Variants in HIBADH observed in about 807,000 individuals in gnomAD.
HIBADH encodes 3-hydroxyisobutyrate dehydrogenase.
In HIBADH, 25 loss-of-function variants were observed where a neutral mutation model predicts 36.1. That is an observed-to-expected ratio of 0.69 (90% confidence interval 0.50 to 0.97). The LOEUF is 0.97. Ranked by LOEUF, HIBADH falls within the 50% of genes least tolerant of loss-of-function variation. The pLI is 0.00. For missense variants in HIBADH, 421 were observed against 418.0 expected, an observed-to-expected ratio of 1.01 and a Z score of -0.06; for synonymous variants, 160 against 149.5, an observed-to-expected ratio of 1.07 and a Z score of -0.51.
chr7:27,556,561 A>C (rs59895438), intron 4 of HIBADH, among the ~76,000 whole-genome samples: 3,001 of 152,302 alleles, frequency 0.02, 95 homozygotes, highest in African/African-American at 0.064. Context: ...TTTTTAAAAC[A>C]ATCAGTTATT....
intron 4 of HIBADH, among the ~76,000 whole-genome samples, chr7:27,575,524 T>C (rs1334552708): frequency 6.6e-6 from 1 of 152,104 alleles, no homozygotes; most frequent in Admixed American, 6.5e-5. Flanking sequence ...CCAGAGAAAG[T>C]TTCTGAACAA....
chr7:27,628,332 AT>A (rs1282198086), intron 4 of HIBADH, among the ~76,000 whole-genome samples: 5 of 152,138 alleles, frequency 3.3e-5, no homozygotes, highest in African/African-American at 1.2e-4. Flanking sequence ...ATACGAAATG[AT>A]TTAAATTATT....
At chr7:27,539,047 G>T (rs767321967) in intron 5 of HIBADH, among the ~76,000 whole-genome samples, 2 of 152,132 alleles carry the variant, frequency 1.3e-5, no homozygotes, top group Non-Finnish European at 2.9e-5. Context: ...AAATTTGATC[G>T]TTAAGACTGG....
intron 2 of HIBADH, among the ~76,000 whole-genome samples, chr7:27,643,184 G>A (rs1008679576): frequency 2.0e-5 from 3 of 152,188 alleles, no homozygotes; most frequent in Non-Finnish European, 4.4e-5. Flanking sequence ...AAGTTCTCGA[G>A]AAACATCTGT....
chr7:27,564,607 T>G (rs1199846039), intron 4 of HIBADH, among the ~76,000 whole-genome samples: 1 of 152,242 alleles, frequency 6.6e-6, no homozygotes, highest in Non-Finnish European at 1.5e-5. Flanking sequence ...CCAACTTTAT[T>G]AATCACATTC....
At chr7:27,563,024 A>C (rs1336897704) in intron 4 of HIBADH, among the ~76,000 whole-genome samples, 1 of 152,150 alleles carries the variant, frequency 6.6e-6, no homozygotes, top group Non-Finnish European at 1.5e-5. Context: ...ATACGAAATA[A>C]TTCTCTCACC....
At chr7:27,580,724 C>A (rs1388818472) in intron 4 of HIBADH, among the ~76,000 whole-genome samples, 1 of 152,188 alleles carries the variant, frequency 6.6e-6, no homozygotes, top group Non-Finnish European at 1.5e-5. Flanking sequence ...GAGAATACAG[C>A]AATGAGCAAG....
chr7:27,574,259 A>C lies in HIBADH; in HGVS notation c.485-31159T>G, dbSNP rs372466136. 1.1e-4 allele frequency among the ~76,000 whole-genome samples: 17 copies of C among 151,840 alleles called. No individual in the cohort carries two copies. In the East Asian group the frequency reaches 2.1e-3, roughly 19 times the overall value. Reference sequence around the variant, plus strand: ...GGTGAATCCCCAGAGAAAATTTCAGATCCCACAGCTTAGAAAAGGGGAGGA... The same window carrying C: ...GGTGAATCCCCAGAGAAAATTTCAGCTCCCACAGCTTAGAAAAGGGGAGGA... On this transcript the variant is annotated intron_variant, in intron 4 of 7. Coordinates refer to ENST00000265395, the MANE Select transcript of HIBADH (RefSeq NM_152740.4).
At chr7:27,637,839 T>C (rs1028265465) in intron 2 of HIBADH, among the ~76,000 whole-genome samples, 4 of 151,878 alleles carry the variant, frequency 2.6e-5, no homozygotes, top group Admixed American at 6.6e-5. Flanking sequence ...CCATTCACAA[T>C]AGCCACAAAA....
At chr7:27,586,615 T>TGAAGGC (rs1784867950) in intron 4 of HIBADH, among the ~76,000 whole-genome samples, 1 of 150,238 alleles carries the variant, frequency 6.7e-6, no homozygotes. Flanking sequence ...TGACCAGAAA[T>TGAAGGC]GAAGGGGAAG....
intron 1 of HIBADH, among the ~76,000 whole-genome samples, chr7:27,655,562 T>C (rs1278193660): frequency 6.6e-6 from 1 of 152,156 alleles, no homozygotes; most frequent in Non-Finnish European, 1.5e-5. Context: ...GGAAAAAGAT[T>C]AGCATATCTA....
At chr7:27,653,917 G>A (rs1357917238) in intron 1 of HIBADH, among the ~76,000 whole-genome samples, 6 of 152,152 alleles carry the variant, frequency 3.9e-5, no homozygotes, top group East Asian at 3.8e-4. Flanking sequence ...CCAAGGGAAC[G>A]TGTATACTCA....
intron 4 of HIBADH, among the ~76,000 whole-genome samples, chr7:27,576,461 A>G (rs1355259837): frequency 6.6e-6 from 1 of 152,202 alleles, no homozygotes; most frequent in Admixed American, 6.5e-5. Context: ...TGAATTCATA[A>G]TTAGAAAAAT....
chr7:27,571,212 A>AATCT (rs1248821550), intron 4 of HIBADH, among the ~76,000 whole-genome samples: 3 of 137,086 alleles, frequency 2.2e-5, no homozygotes, highest in African/African-American at 8.6e-5. Context: ...ATTCATTTTC[A>AATCT]ATCTATCTTT....
At chr7:27,555,644 T>A (rs1420363630) in intron 4 of HIBADH, among the ~76,000 whole-genome samples, 2 of 152,172 alleles carry the variant, frequency 1.3e-5, no homozygotes, top group Non-Finnish European at 2.9e-5. Flanking sequence ...TACCCACTTA[T>A]GGCAGCATTT....
chr7:27,647,821 TCA>T (rs1026238459), intron 2 of HIBADH: 2 of 245,068 alleles, frequency 8.2e-6, no homozygotes, highest in African/African-American at 4.5e-5. Context: ...GCAGTGATGA[TCA>T]TTACAGTCGT....
intron 2 of HIBADH, among the ~76,000 whole-genome samples, chr7:27,646,497 C>T (rs753957367): frequency 6.6e-6 from 1 of 151,998 alleles, no homozygotes; most frequent in Admixed American, 6.6e-5. Context: ...AAATCCTATA[C>T]AGACTATGTT....
intron 4 of HIBADH, among the ~76,000 whole-genome samples, chr7:27,574,043 G>A (rs1295247296): frequency 6.6e-6 from 1 of 152,124 alleles, no homozygotes; most frequent in Admixed American, 6.5e-5. Flanking sequence ...AACTGAAATT[G>A]TAATATACTA....
intron 4 of HIBADH, among the ~76,000 whole-genome samples, chr7:27,545,171 T>C (rs1784218827): frequency 6.6e-6 from 1 of 152,194 alleles, no homozygotes; most frequent in Non-Finnish European, 1.5e-5. Flanking sequence ...CTAGGCATAG[T>C]GGCTCACATC....
Sources: gnomAD v4.1 joint callset for allele counts (sites outside exome capture counted in the v4.1 genomes callset) on GRCh38, gnomAD v4.1.1 for gene constraint, MANE v1.5 for transcripts, NCBI Gene and HGNC (gene_info 2026-07-23, HGNC 2026-07-21) for gene names.